The following DPP10 variants were observed in gnomAD, a reference collection of about 807,000 sequenced individuals.
DPP10 encodes the protein dipeptidyl peptidase like 10, also known as inactive dipeptidyl peptidase 10.
A neutral mutation model predicts 120.9 loss-of-function variants in DPP10; 33 were observed. The ratio of observed to expected loss-of-function variants is 0.27; its 90% confidence interval spans 0.21 to 0.37. The LOEUF is 0.37. DPP10 is among the 10% of genes least tolerant of loss of function. The pLI is 1.00. For missense variants in DPP10, 816 were observed against 942.8 expected (o/e 0.87, Z 1.76); for synonymous variants, 337 against 326.1 (o/e 1.03, Z -0.36).
At chr2:115,307,308 T>A (rs900227917) in intron 1 of DPP10, among the ~76,000 whole-genome samples, 4 of 152,130 alleles carry the variant, frequency 2.6e-5, no homozygotes, top group African/African-American at 9.7e-5. Context: ...AAAAGTCATT[T>A]CTCAAATGGT....
intron 5 of DPP10, among the ~76,000 whole-genome samples, chr2:115,688,056 A>G (rs2091104677): frequency 7.7e-6 from 1 of 130,022 alleles, no homozygotes; most frequent in South Asian, 2.3e-4. Flanking sequence ...GAGAGAGAGA[A>G]AATATTGACA....
At chr2:115,079,491 C>A (rs1708089398) in intron 1 of DPP10, among the ~76,000 whole-genome samples, 1 of 152,114 alleles carries the variant, frequency 6.6e-6, no homozygotes, top group South Asian at 2.1e-4. Flanking sequence ...CTCTGGGAGG[C>A]CCAGAGGAAC....
chr2:115,342,214 T>C (rs1367538842), intron 2 of DPP10: 1 of 446,226 alleles, frequency 2.2e-6, no homozygotes, highest in South Asian at 1.6e-5. Flanking sequence ...TAATTTGTTT[T>C]TTGAGACAAG....
At chr2:115,543,855 A>T (rs1661019325) in intron 5 of DPP10, among the ~76,000 whole-genome samples, 1 of 152,032 alleles carries the variant, frequency 6.6e-6, no homozygotes, top group Middle Eastern at 3.2e-3. Context: ...ATGAGATGAA[A>T]TCTAACTGCC....
intron 1 of DPP10, among the ~76,000 whole-genome samples, chr2:114,885,361 A>G (rs1216483199): frequency 6.6e-6 from 1 of 152,172 alleles, no homozygotes; most frequent in Non-Finnish European, 1.5e-5. Context: ...TAAACCATTT[A>G]TAAGAAACAC....
At chr2:114,882,760 A>G (rs1457029596) in intron 1 of DPP10, among the ~76,000 whole-genome samples, 2 of 152,174 alleles carry the variant, frequency 1.3e-5, no homozygotes, top group African/African-American at 4.8e-5. Context: ...AAATACATAA[A>G]TTTATTTTGT....
intron 1 of DPP10, among the ~76,000 whole-genome samples, chr2:114,799,761 C>T (rs886860154): frequency 6.6e-6 from 1 of 151,976 alleles, no homozygotes; most frequent in Non-Finnish European, 1.5e-5. Context: ...TGAGAAATAC[C>T]TAAGAAGTAG....
chr2:114,951,146 C>T (rs943613196), intron 1 of DPP10, among the ~76,000 whole-genome samples: 1 of 152,096 alleles, frequency 6.6e-6, no homozygotes, highest in South Asian at 2.1e-4. Flanking sequence ...TATTAGAAAG[C>T]GTGCCTTCAT....
At chr2:115,651,627 A>C (rs898897819) in intron 5 of DPP10, among the ~76,000 whole-genome samples, 1 of 152,074 alleles carries the variant, frequency 6.6e-6, no homozygotes, top group South Asian at 2.1e-4. Context: ...TCCATGGAGT[A>C]ATATAATACT....
chr2:115,761,950 G>T (rs1680162833), intron 11 of DPP10, among the ~76,000 whole-genome samples: 1 of 152,026 alleles, frequency 6.6e-6, no homozygotes, highest in Non-Finnish European at 1.5e-5. Context: ...TATTATTAAA[G>T]CTTGTTTTTT....
chr2:114,996,031 GC>G (rs35899918), intron 1 of DPP10, among the ~76,000 whole-genome samples: 1 of 152,118 alleles, frequency 6.6e-6, no homozygotes, highest in South Asian at 2.1e-4. Flanking sequence ...GATTGCTCTG[GC>G]CCCCCTCATG....
intron 1 of DPP10, among the ~76,000 whole-genome samples, chr2:114,762,594 C>T (rs1680378558): frequency 6.6e-6 from 1 of 152,202 alleles, no homozygotes; most frequent in Non-Finnish European, 1.5e-5. Context: ...TCAAGACTGA[C>T]TCAATAAGTA....
chr2:114,883,991 A>G (rs549174652), intron 1 of DPP10, among the ~76,000 whole-genome samples: 1 of 152,272 alleles, frequency 6.6e-6, no homozygotes, highest in African/African-American at 2.4e-5. Flanking sequence ...TACTGGAGCC[A>G]TTTTTGTCTT....
intron 9 of DPP10, among the ~76,000 whole-genome samples, chr2:115,745,731 A>C (rs935932119): frequency 2.7e-5 from 4 of 150,042 alleles, no homozygotes; most frequent in African/African-American, 9.7e-5. Flanking sequence ...ATATCCTCTA[A>C]TGTGAATAAC....
At chr2:115,590,151 T>TTATTA (rs2082547747) in intron 5 of DPP10, among the ~76,000 whole-genome samples, 4 of 138,774 alleles carry the variant, frequency 2.9e-5, no homozygotes, top group African/African-American at 8.1e-5. Flanking sequence ...ATTTGTTTTC[T>TTATTA]TTATTATTAT....
At chr2:115,740,726 C>A (rs1677153608) in intron 9 of DPP10, among the ~76,000 whole-genome samples, 1 of 152,002 alleles carries the variant, frequency 6.6e-6, no homozygotes, top group Non-Finnish European at 1.5e-5. Context: ...CCTCTGTATG[C>A]CATCTTTAAT....
At chr2:114,829,597 G>C (rs558258527) in intron 1 of DPP10, among the ~76,000 whole-genome samples, 1 of 150,066 alleles carries the variant, frequency 6.7e-6, no homozygotes, top group South Asian at 2.1e-4. Context: ...GGCTGGTCTC[G>C]AATGCCTGAC....
intron 2 of DPP10, among the ~76,000 whole-genome samples, chr2:115,336,662 A>T (rs560429043): frequency 6.6e-6 from 1 of 151,766 alleles, no homozygotes; most frequent in Admixed American, 6.6e-5. Flanking sequence ...TATATTCTCA[A>T]GTAACTTGCT....
chr2:115,777,925 C>G (rs1682308992), intron 15 of DPP10, 91 bp downstream of exon 15: 1 of 1,365,194 alleles, frequency 7.3e-7, no homozygotes, highest in Non-Finnish European at 1.0e-6. Context: ...TTTGAAATGT[C>G]TTTTTCAACA....
Sources: gnomAD v4.1 joint callset for allele counts (sites outside exome capture counted in the v4.1 genomes callset) on GRCh38, gnomAD v4.1.1 for gene constraint, MANE v1.5 for transcripts, NCBI Gene and HGNC (gene_info 2026-07-23, HGNC 2026-07-21) for gene names.